Variants in ZSCAN5A observed in about 807,000 individuals in gnomAD.
ZSCAN5A encodes the protein zinc finger and SCAN domain containing 5A.
In ZSCAN5A, 12 loss-of-function variants were observed where a neutral mutation model predicts 23.7. The observed-to-expected ratio is 0.51, with a 90% CI of 0.32 to 0.82. The LOEUF (loss-of-function observed/expected upper bound fraction) is 0.82. Ranked by LOEUF, ZSCAN5A falls within the 40% of genes least tolerant of loss-of-function variation. ZSCAN5A has a pLI of 0.03. For missense variants in ZSCAN5A, 597 were observed against 617.9 expected, an observed-to-expected ratio of 0.97 and a Z score of 0.36; for synonymous variants, 257 against 239.9, an observed-to-expected ratio of 1.07 and a Z score of -0.66.
At chr19:56,313,190 A>T in intron 2 of ZSCAN5A, 93 bp downstream of exon 2, 1 of 262,854 alleles carries the variant, frequency 3.8e-6, no homozygotes. Flanking sequence ...TTGATGACAG[A>T]CAGATGGAAG....
chr19:56,308,297 G>A (rs1009370596), intron 2 of ZSCAN5A, among the ~76,000 whole-genome samples: 5 of 151,738 alleles, frequency 3.3e-5, no homozygotes, highest in Non-Finnish European at 5.9e-5. Flanking sequence ...CTCCCAAAGT[G>A]CTGGGATTAC....
At chr19:56,243,938 T>A (rs2035633767) in intron 2 of ZSCAN5A, 2 of 574,288 alleles carry the variant, frequency 3.5e-6, no homozygotes, top group Admixed American at 3.0e-5. Flanking sequence ...ACAGTGAATC[T>A]ATTATTGAGG....
chr19:56,244,448 G>C, intron 2 of ZSCAN5A: 1 of 1,570,244 alleles, frequency 6.4e-7, no homozygotes, highest in South Asian at 1.2e-5. Context: ...CCTCGTGACT[G>C]GTGCAGGGAA....
chr19:56,270,774 G>A (rs1233153993), intron 2 of ZSCAN5A, among the ~76,000 whole-genome samples: 17 of 152,004 alleles, frequency 1.1e-4, no homozygotes, highest in Admixed American at 1.0e-3. Flanking sequence ...GGTGTGGGGT[G>A]GGTGGGGCAG....
chr19:56,239,496 T>C (rs2035242494), intron 2 of ZSCAN5A, among the ~76,000 whole-genome samples: 1 of 152,160 alleles, frequency 6.6e-6, no homozygotes, highest in South Asian at 2.1e-4. Context: ...GGACCCTCAG[T>C]GTATCTATAA....
At chr19:56,251,003 A>G (rs922489146) in intron 2 of ZSCAN5A, among the ~76,000 whole-genome samples, 1 of 152,266 alleles carries the variant, frequency 6.6e-6, no homozygotes, top group South Asian at 2.1e-4. Flanking sequence ...ACAAAAAATT[A>G]GTCAGGTGTG....
chr19:56,273,293 T>G (rs1355321197), intron 2 of ZSCAN5A, among the ~76,000 whole-genome samples: 1 of 152,144 alleles, frequency 6.6e-6, no homozygotes, highest in Non-Finnish European at 1.5e-5. Flanking sequence ...AACATTACCA[T>G]AGTTAGATAA....
chr19:56,264,289 C>T (rs150738399), intron 2 of ZSCAN5A, among the ~76,000 whole-genome samples: 80 of 152,324 alleles, frequency 5.3e-4, no homozygotes, highest in South Asian at 1.2e-3. Context: ...CCAGCACACC[C>T]AGCCCAAGAA....
chr19:56,259,198 T>A (rs1221094769), intron 2 of ZSCAN5A, among the ~76,000 whole-genome samples: 1 of 152,184 alleles, frequency 6.6e-6, no homozygotes, highest in Admixed American at 6.5e-5. Flanking sequence ...TCCCACCCTG[T>A]ACTTATTTTA....
At chr19:56,317,518 G>T (rs922478893), upstream of ZSCAN5A, 4 of 152,274 alleles carry the variant, frequency 2.6e-5, no homozygotes, top group Admixed American at 2.6e-4. Context: ...GTTTACGAAG[G>T]GAGGCTCTGT....
At chr19:56,284,803 G>A (rs73052122) in intron 2 of ZSCAN5A, among the ~76,000 whole-genome samples, 3,098 of 152,234 alleles carry the variant, frequency 0.02, 43 homozygotes, top group South Asian at 0.042. Flanking sequence ...CTGAGCCACT[G>A]CGCCTGGCCT....
At chr19:56,288,535 G>A (rs2039292980) in intron 2 of ZSCAN5A, among the ~76,000 whole-genome samples, 1 of 152,190 alleles carries the variant, frequency 6.6e-6, no homozygotes, top group African/African-American at 2.4e-5. Context: ...TGCTTTTGCT[G>A]TCTGCTTCTC....
intron 2 of ZSCAN5A, among the ~76,000 whole-genome samples, chr19:56,241,615 CTT>C (rs2035431198): frequency 6.6e-6 from 1 of 152,248 alleles, no homozygotes; most frequent in Non-Finnish European, 1.5e-5. Flanking sequence ...GAAATCTACT[CTT>C]TTAGCAATTT....
At chr19:56,340,858 C>A (rs1292574629) in intron 2 of ZSCAN5A, 1 of 151,954 alleles carries the variant, frequency 6.6e-6, no homozygotes, top group Non-Finnish European at 1.5e-5. Flanking sequence ...CAATTCAGGT[C>A]TCTTAAAGTC....
At position 56,222,269 on chromosome 19, in the gene ZSCAN5A, T is replaced by G; in HGVS notation, c.797A>C (p.Asn266Thr). ...KDPPKIASVE[N>T]VDADTPSACV... ...GGCAGAAGGTGTGTCAGCATCCACA[T>G]TTTCCACAGAGGCTATTTTTGGGGG... The change falls in exon 6 of 6, where the codon AAT becomes ACT. Residue 266 changes from asparagine to threonine, a missense_variant. By Grantham distance (65) the Asn-to-Thr change is moderately conservative. This residue lies in a region of ZSCAN5A where 406 missense variants were observed against 353.2 expected (regional missense o/e 1.15). Coordinates refer to ENST00000683990, the MANE Select transcript of ZSCAN5A (RefSeq NM_001322064.3). 6.2e-7 allele frequency: 1 copy of G among 1,613,722 alleles called. No homozygotes were observed. Among genetic ancestry groups the G allele is most frequent in the South Asian group, 1.1e-5 (1 of 91,074 alleles).
At chr19:56,272,066 A>G (rs1447158700) in intron 2 of ZSCAN5A, among the ~76,000 whole-genome samples, 1 of 152,252 alleles carries the variant, frequency 6.6e-6, no homozygotes, top group Non-Finnish European at 1.5e-5. Context: ...AACTTTATAG[A>G]TCAAGAAAAT....
chr19:56,323,070 AT>A (rs2041394717), intron 2 of ZSCAN5A, among the ~76,000 whole-genome samples: 1 of 150,496 alleles, frequency 6.6e-6, no homozygotes, highest in Non-Finnish European at 1.5e-5. Context: ...AATTTTTTAT[AT>A]TTTCAGTAGA....
chr19:56,246,975 T>A lies in ZSCAN5A; in HGVS notation c.-127-21802A>T. 4 of 1,435,226 alleles carry A rather than the reference T, an allele frequency of 2.8e-6. No homozygotes were observed. In the African/African-American group the frequency reaches 4.2e-5, roughly 15 times the overall value. 88.9% of individuals were successfully genotyped at this position (1,435,226 alleles called of 1,614,324 possible). A position where few individuals can be genotyped will look rare whatever the true frequency, so the allele number is the denominator to read the frequency against. On this transcript the variant is annotated intron_variant, in intron 2 of 5. Transcript: ENST00000683990. ...GCAACAGCGAATCCCCAGGAAAACC[T>A]GAGATAAATTCAGTTTATTCCCCAG... is the stretch of plus-strand genomic sequence containing the variant.
chr19:56,226,284 G>GGGAGACAATCGGCAGAGGCA (rs2033925518), intron 2 of ZSCAN5A, among the ~76,000 whole-genome samples: 2 of 147,458 alleles, frequency 1.4e-5, no homozygotes, highest in African/African-American at 2.5e-5. Context: ...CGGCAGAGGC[G>GGGAGACAATCGGCAGAGGCA]GGAGACAACC....
Sources: gnomAD v4.1 joint callset for allele counts (sites outside exome capture counted in the v4.1 genomes callset) on GRCh38, gnomAD v4.1.1 for gene constraint, gnomAD v4.1.1 regional missense constraint, MANE v1.5 for transcripts, NCBI Gene and HGNC (gene_info 2026-07-23, HGNC 2026-07-21) for gene names.